The following SLC25A28 variants were observed in gnomAD, a reference collection of about 807,000 sequenced individuals.
The protein encoded by SLC25A28 is mitoferrin-2.
SLC25A28 carries 10 observed loss-of-function variants against 31.9 expected under a neutral mutation model. The observed-to-expected ratio is 0.31, with a 90% CI of 0.19 to 0.53. The LOEUF is 0.53. SLC25A28 is among the 20% of genes least tolerant of loss of function. The pLI, the probability that SLC25A28 is intolerant of heterozygous loss-of-function variation, is 0.95. For synonymous variants in SLC25A28, 208 were observed against 203.6 expected (o/e 1.02, Z -0.19); for missense variants, 256 against 490.3 (o/e 0.52, Z 4.51).
At chr10:99,645,369 G>T in the SLC25A28 span, among the ~76,000 whole-genome samples, 212 of 152,202 alleles carry the variant, frequency 1.4e-3, 1 homozygote, top group South Asian at 6.6e-3. Flanking sequence ...TTGTGCATTT[G>T]TCACAGTTTT....
chr10:99,631,842 A>C, the SLC25A28 span, among the ~76,000 whole-genome samples: 1 of 151,924 alleles, frequency 6.6e-6, no homozygotes, highest in Non-Finnish European at 1.5e-5. Context: ...AAATAATGGG[A>C]AAAAATGCAT....
chr10:99,622,940 AATG>A (rs1376752034), upstream of SLC25A28, among the ~76,000 whole-genome samples: 2 of 152,142 alleles, frequency 1.3e-5, no homozygotes, highest in Non-Finnish European at 2.9e-5. Context: ...GGAGCTTTTT[AATG>A]ATGAGGGTGG....
chr10:99,621,742 C>T (rs951585855), upstream of SLC25A28: 2 of 152,282 alleles, frequency 1.3e-5, no homozygotes, highest in South Asian at 2.1e-4. Flanking sequence ...GTGGACTTCT[C>T]CATCTGTTCA....
In SLC25A28 at chr10:99,618,721, T is replaced by C. The variant is rs1048128002; in HGVS notation, c.291+1324A>G. 1.5e-5 allele frequency: 15 copies of C among 985,324 alleles called. No homozygotes were observed. In the African/African-American group the frequency reaches 2.3e-4, roughly 15 times the overall value. 61.0% of individuals were successfully genotyped at this position (985,324 alleles called of 1,614,324 possible). On this transcript the variant is annotated intron_variant, in intron 1 of 3. Transcript: ENST00000370495. Reference sequence around the variant, plus strand: ...ATGGCCCTTGTTAGGAGTTACCTTGTGTTAAAATACTCCTGCCAGTTTGCT... The same window carrying C: ...ATGGCCCTTGTTAGGAGTTACCTTGCGTTAAAATACTCCTGCCAGTTTGCT...
In SLC25A28 at chr10:99,613,680, C is replaced by G; in HGVS notation, c.520+16G>C. On this transcript the variant is annotated intron_variant, in intron 2 of 3. Transcript: ENST00000370495. This position sits in a 1 kb window ranked among gnomAD's most constrained non-coding sequence, Gnocchi z 4.9. ...AGTTGGGAAAGTGGGGGAACCAGCA[C>G]AGGAAGGCTCAATACCATTGGCAAT... The G allele has an allele frequency of 1.2e-6, 2 of 1,614,188 alleles. No individual in the cohort carries two copies. The highest frequency in any genetic ancestry group is 1.7e-6 in the Non-Finnish European group (2 of 1,180,034).
At chr10:99,628,858 G>GAATAACAATGTTGAATA in the SLC25A28 span, among the ~76,000 whole-genome samples, 2 of 152,152 alleles carry the variant, frequency 1.3e-5, no homozygotes, top group Non-Finnish European at 2.9e-5. Flanking sequence ...AATCATTGTT[G>GAATAACAATGTTGAATA]AAAATAACAA....
At chr10:99,643,139 T>C in the SLC25A28 span, among the ~76,000 whole-genome samples, 130,409 of 152,104 alleles carry the variant, frequency 0.86, 55,991 homozygotes, top group Middle Eastern at 0.92. Context: ...TCAGAAGGAA[T>C]GGTACCAGCT....
chr10:99,631,900 T>A, the SLC25A28 span, among the ~76,000 whole-genome samples: 2 of 120,288 alleles, frequency 1.7e-5, no homozygotes, highest in African/African-American at 6.2e-5. Context: ...TATTTTTTTT[T>A]TTTTTTTGAG....
chr10:99,650,981 T>C, the SLC25A28 span, among the ~76,000 whole-genome samples: 6 of 152,222 alleles, frequency 3.9e-5, no homozygotes, highest in Non-Finnish European at 8.8e-5. Context: ...GCTCCATATA[T>C]CAGGCCTGAG....
chr10:99,619,157 C>T, intron 1 of SLC25A28: 1 of 985,432 alleles, frequency 1.0e-6, no homozygotes, highest in Non-Finnish European at 1.2e-6. Flanking sequence ...CATAAATCAT[C>T]CTGCTTGGTT....
Position 99,620,192 on chromosome 10 carries a change from G to A in SLC25A28, c.144C>T (p.Ala48=), listed in dbSNP as rs774332724. 9.6e-6 allele frequency: 14 copies of A among 1,459,238 alleles called. No homozygotes were observed. The highest frequency in any genetic ancestry group is 1.5e-5 in the African/African-American group (1 of 68,250). The allele number at this position is 1,459,238 out of a possible 1,614,324, so 90.4% of individuals were successfully genotyped here. ...GRGAGGGEAG[A]CRPPVRQDPD... ...GATCTTGTCGTACCGGGGGCCTGCA[G>A]GCCCCGGCCTCCCCGCCGCCGGCCC... Residue 48 remains alanine (A), a synonymous_variant, in exon 1 of 4, where the codon GCC becomes GCT. Coordinates refer to ENST00000370495, the MANE Select transcript of SLC25A28 (RefSeq NM_031212.4).
At chr10:99,612,507 A>G in intron 3 of SLC25A28, 36 bp downstream of exon 3, 8 of 1,608,976 alleles carry the variant, frequency 5.0e-6, no homozygotes, top group Non-Finnish European at 6.8e-6. Context: ...ATACAGGTGC[A>G]GCTGCCCACA....
chr10:99,611,353 C>G lies in SLC25A28; in HGVS notation c.591G>C (p.Arg197Ser). ...GGTATGGTGAGTTGTACATCTGCATCCTCTGCTTGACCACTAGTAGTGCCA... is the reference window on the plus strand; with the variant it reads ...GGTATGGTGAGTTGTACATCTGCATGCTCTGCTTGACCACTAGTAGTGCCA... ...AMNPAEVVKQRMQMYNSPYHR... is the reference protein window; with the variant it reads ...AMNPAEVVKQSMQMYNSPYHR... Residue 197 changes from arginine to serine, a missense_variant, in exon 4 of 4, where the codon AGG becomes AGC. Physicochemically the swap from Arg to Ser is moderately radical, Grantham distance 110 (BLOSUM62 -1). Around this residue, in one of 4 missense-constraint regions of SLC25A28, gnomAD observed 158 missense variants for 379.1 expected, o/e 0.42. Coordinates refer to ENST00000370495, the MANE Select transcript of SLC25A28 (RefSeq NM_031212.4). The surrounding 1 kb of genome is among the most constrained non-coding windows in gnomAD (Gnocchi z 5.5). The G allele has an allele frequency of 6.2e-7, 1 of 1,614,012 alleles. No individual in the cohort carries two copies. Among genetic ancestry groups the G allele is most frequent in the Non-Finnish European group, 8.5e-7 (1 of 1,179,986 alleles).
chr10:99,617,219 T>C (rs12782208), intron 1 of SLC25A28: 411,836 of 985,152 alleles, frequency 0.42, 86,583 homozygotes, highest in East Asian at 0.55. Flanking sequence ...CGCTTGCCTT[T>C]GAGGCCCAGA....
the SLC25A28 span, among the ~76,000 whole-genome samples, chr10:99,645,303 T>G: frequency 6.6e-6 from 1 of 152,238 alleles, no homozygotes; most frequent in African/African-American, 2.4e-5. Flanking sequence ...TTTCATTCAT[T>G]GGATCTTCAA....
chr10:99,647,758 G>A, the SLC25A28 span, among the ~76,000 whole-genome samples: 1 of 152,146 alleles, frequency 6.6e-6, no homozygotes, highest in Admixed American at 6.6e-5. Flanking sequence ...GTTTTTCCCA[G>A]ATTTTCTTTG....
the SLC25A28 span, among the ~76,000 whole-genome samples, chr10:99,641,897 G>A: frequency 1.3e-5 from 2 of 152,136 alleles, no homozygotes; most frequent in Non-Finnish European, 2.9e-5. Context: ...TATTATTTCT[G>A]AGGGCTCTGT....
chr10:99,622,277 C>CCGTG (rs1451679713), upstream of SLC25A28, among the ~76,000 whole-genome samples: 2 of 152,182 alleles, frequency 1.3e-5, no homozygotes, highest in African/African-American at 4.8e-5. Flanking sequence ...CTGCAGTGAG[C>CCGTG]CGTGTTCATG....
In SLC25A28 at chr10:99,610,587, G is replaced by T; in HGVS notation, c.*262C>A. On this transcript the variant is annotated 3_prime_UTR_variant, in exon 4 of 4. Transcript: ENST00000370495. The stretch of plus-strand genomic sequence containing the variant: ...CTGCTTATCCCTCTATAACAGTCTA[G>T]AGCAGGTCATCAGGCCCAGGATGGA... The T allele has an allele frequency of 1.9e-6, 1 of 516,922 alleles. No individual in the cohort carries two copies. The highest frequency in any genetic ancestry group is 3.5e-6 in the Non-Finnish European group (1 of 285,552). 32.0% of individuals were successfully genotyped at this position (516,922 alleles called of 1,614,324 possible). A position where few individuals can be genotyped will look rare whatever the true frequency, so the allele number is the denominator to read the frequency against.
Sources: gnomAD v4.1 joint callset for allele counts (sites outside exome capture counted in the v4.1 genomes callset) on GRCh38, gnomAD v4.1.1 for gene constraint, gnomAD v4.1.1 regional missense constraint, Gnocchi (gnomAD v3.1) non-coding constraint, MANE v1.5 for transcripts, NCBI Gene and HGNC (gene_info 2026-07-23, HGNC 2026-07-21) for gene names.